DECR2: variants seen among roughly 807,000 people sequenced by gnomAD.
The protein encoded by DECR2 is 2,4-dienoyl-CoA reductase 2.
A neutral mutation model predicts 29.2 loss-of-function variants in DECR2; 34 were observed. The ratio of observed to expected loss-of-function variants is 1.16; its 90% CI spans 0.89 to 1.55. The LOEUF is 1.55. Ranked by LOEUF, DECR2 falls within the 40% of genes most tolerant of loss-of-function variation. DECR2 has a pLI of 0.00. For synonymous variants in DECR2, 224 were observed against 182.7 expected (o/e 1.23, Z -1.82); for missense variants, 485 against 425.3 (o/e 1.14, Z -1.23).
chr16:406,137 G>C (rs2054721001), intron 2 of DECR2, among the ~76,000 whole-genome samples: 1 of 152,194 alleles, frequency 6.6e-6, no homozygotes, highest in Non-Finnish European at 1.5e-5. Context: ...TGTGCGGTGG[G>C]ATGTCCCATG....
intron 8 of DECR2, 44 bp from the exon 9 acceptor site, chr16:411,846 G>C (rs2054823607): frequency 2.2e-6 from 1 of 458,314 alleles, no homozygotes; most frequent in Non-Finnish European, 3.8e-6. Flanking sequence ...TGTTTTAGGG[G>C]GAAGCCGTCC....
Position 402,049 on chromosome 16 carries a change from C to T in DECR2, c.80+6C>T, listed in dbSNP as rs1277326625. The T allele has an allele frequency of 3.6e-6, 5 of 1,399,208 alleles. No individual in the cohort carries two copies. The highest frequency in any genetic ancestry group is 2.0e-4 in the Middle Eastern group (1 of 4,932). The allele number at this position is 1,399,208 out of a possible 1,614,324, so 86.7% of individuals were successfully genotyped here. A position where few individuals can be genotyped will look rare whatever the true frequency, so the allele number is the denominator to read the frequency against. On this transcript the variant is annotated splice_donor_region_variant and intron_variant, in intron 1 of 8. Coordinates refer to ENST00000219481, the MANE Select transcript of DECR2 (RefSeq NM_020664.4). Reference sequence around the variant, plus strand: ...TTCTGCCCGGACCTGCTGCGGTGAGCGGGGCCTGGGAAGCGAGCGCAGCCT... The same window carrying T: ...TTCTGCCCGGACCTGCTGCGGTGAGTGGGGCCTGGGAAGCGAGCGCAGCCT...
intron 4 of DECR2, among the ~76,000 whole-genome samples, chr16:408,270 T>C (rs2054766394): frequency 6.6e-6 from 1 of 150,900 alleles, no homozygotes; most frequent in African/African-American, 2.4e-5. Context: ...TCTGGGCCTC[T>C]GTCTCCGGCC....
intron 8 of DECR2, 58 bp from the exon 9 acceptor site, chr16:411,832 G>A (rs564219829): frequency 1.6e-4 from 76 of 480,464 alleles, no homozygotes; most frequent in South Asian, 1.3e-3. Flanking sequence ...CGAGGCAGCC[G>A]AGGTGTTTTA....
intron 1 of DECR2, chr16:403,097 G>A: frequency 1.1e-6 from 1 of 915,644 alleles, no homozygotes; most frequent in Non-Finnish European, 1.3e-6. Flanking sequence ...ATTCTGGGTT[G>A]AAGCAATTCT....
chr16:405,660 T>C, intron 2 of DECR2: 1 of 1,247,230 alleles, frequency 8.0e-7, no homozygotes, highest in Non-Finnish European at 1.1e-6. Context: ...CGTTTGTCTG[T>C]GTCAGGTGAT....
At chr16:406,908 A>G (rs765023492) in intron 3 of DECR2, 12 of 1,024,884 alleles carry the variant, frequency 1.2e-5, no homozygotes, top group African/African-American at 5.2e-5. Flanking sequence ...CACTGTGCCC[A>G]GCCGGCACCA....
In DECR2 at chr16:407,490, G is replaced by A. The variant is rs779547653; in HGVS notation, c.267G>A (p.Ala89=). The A allele has an allele frequency of 5.9e-5, 96 of 1,613,708 alleles. 3 individuals carry two copies. The Admixed American group carries it at 1.4e-3, about 23-fold the overall frequency. The change falls in exon 4 of 9, where the codon GCG becomes GCA. Residue 89 remains alanine, a synonymous_variant. Transcript: ENST00000219481. The part of the protein sequence containing the change: ...RCLPLSMDVR[A]PPAVMAAVDQ... ...TCCCTCTCTCTATGGACGTCCGAGC[G>A]CCCCCAGCTGTCATGGCCGCCGTGG...
At chr16:407,261 C>A (rs2054736081) in intron 3 of DECR2, 164 bp from the exon 4 acceptor site, 2 of 1,431,510 alleles carry the variant, frequency 1.4e-6, no homozygotes, top group Admixed American at 2.8e-5. Flanking sequence ...CAAACATCCA[C>A]TGGGGTCGTG....
At chr16:411,333 G>GGGGCCTGA (rs1567342505) in intron 7 of DECR2, 28 bp from the exon 8 acceptor site, 3 of 1,587,480 alleles carry the variant, frequency 1.9e-6, no homozygotes, top group Non-Finnish European at 2.6e-6. Context: ...TGGGGCTCAC[G>GGGGCCTGA]GGGCCTGAGC....
At chr16:403,067 T>C in intron 1 of DECR2, 1 of 980,690 alleles carries the variant, frequency 1.0e-6, no homozygotes, top group Non-Finnish European at 1.2e-6. Flanking sequence ...AAAAAAAGTT[T>C]TTTTTCGAAA....
intron 1 of DECR2, chr16:403,149 G>A (rs945245925): frequency 3.4e-5 from 15 of 437,628 alleles, no homozygotes; most frequent in South Asian, 9.7e-5. Context: ...GCCTCAGTGC[G>A]CCCAAGTGGG....
chr16:411,556 C>T lies in DECR2; in HGVS notation c.857C>T (p.Ala286Val), dbSNP rs1298457900. The part of the protein sequence containing the change: ...PNGVKGLPDF[A>V]SFSAKL Reference sequence around the variant, plus strand: ...GGTGTCAAAGGGCTGCCGGATTTCGCATCCTTCTCTGCTAAGCTCTAGGTG... The same window carrying T: ...GGTGTCAAAGGGCTGCCGGATTTCGTATCCTTCTCTGCTAAGCTCTAGGTG... The change falls in exon 8 of 9, where the codon GCA becomes GTA. Residue 286 changes from alanine to valine, a missense_variant. Ala to Val is a moderately conservative substitution (Grantham distance 64, BLOSUM62 0). Coordinates refer to ENST00000219481, the MANE Select transcript of DECR2 (RefSeq NM_020664.4). 2 of 1,613,272 alleles carry T rather than the reference C, an allele frequency of 1.2e-6. No individual in the cohort carries two copies. Among genetic ancestry groups the T allele is most frequent in the Non-Finnish European group, 1.7e-6 (2 of 1,179,686 alleles).
rs1182425921 is a variant in DECR2 at position 410,229 on chromosome 16, C to T, written c.338-14C>T. 3 of 1,611,606 alleles carry T rather than the reference C, an allele frequency of 1.9e-6. No individual in the cohort carries two copies. Among genetic ancestry groups the T allele is most frequent in the Non-Finnish European group, 1.7e-6 (2 of 1,179,044 alleles). ...CCCAGGCTCCAGCAGCTCCTGCGGT[C>T]TCCCATTCTGCAGGTGCGGCCGGGA... On this transcript the variant is annotated splice_polypyrimidine_tract_variant and intron_variant, in intron 4 of 8. Transcript: ENST00000219481. The surrounding 1 kb of genome is among the most constrained non-coding windows in gnomAD (Gnocchi z 4.1).
chr16:404,592 C>T (rs1309941332), intron 1 of DECR2, among the ~76,000 whole-genome samples: 2 of 152,012 alleles, frequency 1.3e-5, no homozygotes, highest in Non-Finnish European at 1.5e-5. Flanking sequence ...TGTATTTTAA[C>T]AGGGCTCTTT....
At chr16:404,380 A>G (rs527242417) in intron 1 of DECR2, among the ~76,000 whole-genome samples, 142 of 150,740 alleles carry the variant, frequency 9.4e-4, no homozygotes, top group African/African-American at 3.3e-3. Flanking sequence ...CTGGGATTAC[A>G]GGCATGCACC....
intron 4 of DECR2, among the ~76,000 whole-genome samples, chr16:409,098 C>T (rs1043912761): frequency 6.6e-6 from 1 of 152,136 alleles, no homozygotes; most frequent in Non-Finnish European, 1.5e-5. Flanking sequence ...TCCGAAAGTG[C>T]TGGGATTACA....
At chr16:408,544 A>G (rs1282247573) in intron 4 of DECR2, among the ~76,000 whole-genome samples, 3 of 145,872 alleles carry the variant, frequency 2.1e-5, no homozygotes, top group Non-Finnish European at 4.5e-5. Context: ...TTTAGACAGC[A>G]TCTCACTCTG....
intron 2 of DECR2, 142 bp downstream of exon 2, chr16:405,166 G>A (rs2054710264): frequency 4.0e-6 from 4 of 1,003,712 alleles, no homozygotes; most frequent in South Asian, 1.5e-5. Flanking sequence ...CCTGCCAGAG[G>A]GACTGGGGAG....
Sources: allele counts gnomAD v4.1 joint callset (sites outside exome capture counted in the v4.1 genomes callset), GRCh38; gene constraint gnomAD v4.1.1; non-coding constraint Gnocchi (gnomAD v3.1); transcripts MANE v1.5; gene names NCBI Gene and HGNC (gene_info 2026-07-23, HGNC 2026-07-21).